NEDD9: variants seen among roughly 807,000 people sequenced by gnomAD.
The protein encoded by NEDD9 is enhancer of filamentation 1.
NEDD9 carries 26 observed loss-of-function variants against 76.6 expected under a neutral mutation model. That is an observed-to-expected ratio of 0.34 (90% CI 0.25 to 0.47). The LOEUF is 0.47. Among genes scored for constraint, NEDD9 ranks in the 20% least tolerant of loss-of-function variants. NEDD9 has a pLI of 1.00. For missense variants in NEDD9, 937 were observed against 1,058.5 expected, an observed-to-expected ratio of 0.89 and a Z score of 1.59; for synonymous variants, 392 against 414.2, an observed-to-expected ratio of 0.95 and a Z score of 0.65.
chr6:11,275,967 T>C (rs1234908312), intron 3 of NEDD9, among the ~76,000 whole-genome samples: 1 of 152,242 alleles, frequency 6.6e-6, no homozygotes, highest in Non-Finnish European at 1.5e-5. Context: ...GGAAGTTAGA[T>C]TCTACTTTAG....
chr6:11,305,238 A>C (rs185136319), intron 3 of NEDD9: 848 of 829,282 alleles, frequency 1.0e-3, no homozygotes, highest in Admixed American at 1.4e-3. Flanking sequence ...GAGTTACTCT[A>C]TGTGCATTTT....
chr6:11,305,132 T>C (rs1160620353), intron 3 of NEDD9: 12 of 1,289,188 alleles, frequency 9.3e-6, no homozygotes, highest in South Asian at 1.2e-5. Context: ...AGAGCTTTTT[T>C]ATTTGTGTGC....
intron 1 of NEDD9, among the ~76,000 whole-genome samples, chr6:11,225,101 C>T (rs1271493402): frequency 6.6e-6 from 1 of 152,096 alleles, no homozygotes; most frequent in South Asian, 2.1e-4. Flanking sequence ...CATCCACCGC[C>T]CCCCTGCCCC....
At chr6:11,334,722 CTGTTTATTTTA>C (rs1324160421) in intron 1 of NEDD9, among the ~76,000 whole-genome samples, 3 of 152,284 alleles carry the variant, frequency 2.0e-5, no homozygotes, top group Non-Finnish European at 2.9e-5. Flanking sequence ...TTACTACTTG[CTGTTTATTTTA>C]TGTTTATTTT....
chr6:11,318,531 C>A (rs901754668), intron 2 of NEDD9, among the ~76,000 whole-genome samples: 1 of 152,060 alleles, frequency 6.6e-6, no homozygotes, highest in African/African-American at 2.4e-5. Context: ...TGCTGTCTTA[C>A]CATTTCGTCT....
upstream of NEDD9, among the ~76,000 whole-genome samples, chr6:11,234,363 G>A (rs962079262): frequency 3.9e-5 from 6 of 152,202 alleles, no homozygotes; most frequent in Non-Finnish European, 8.8e-5. Flanking sequence ...GAGTCTTGCG[G>A]CCTCCAAGAG....
rs1018757483 is a variant in NEDD9, at chr6:11,252,123, C to A, written c.13-38396G>T. ...GAATCAGAGCTTGTGTTAATATCTT[C>A]TAGCTGGGCGCTGTAGTGCTCTCTC... On this transcript the variant is annotated intron_variant, in intron 3 of 3. Transcript: ENST00000397378. This position sits in a 1 kb window ranked among gnomAD's most constrained non-coding sequence, Gnocchi z 4.3. 5.9e-5 allele frequency among the ~76,000 whole-genome samples: 9 copies of A among 152,320 alleles called. No individual in the cohort carries two copies. In the East Asian group the frequency reaches 1.7e-3, roughly 29 times the overall value.
intron 1 of NEDD9, among the ~76,000 whole-genome samples, chr6:11,371,406 A>G (rs867732141): frequency 2.2e-4 from 33 of 152,262 alleles, no homozygotes; most frequent in South Asian, 6.2e-4. Flanking sequence ...ACTGCCCTCA[A>G]ATCTTCCATG....
At chr6:11,233,351 C>T (rs1053081479), upstream of NEDD9, 3 of 519,062 alleles carry the variant, frequency 5.8e-6, no homozygotes, top group Admixed American at 5.8e-5. Context: ...ACCAGGGCCT[C>T]AGAGTTGCGG....
intron 3 of NEDD9, among the ~76,000 whole-genome samples, chr6:11,245,941 T>C (rs1488753135): frequency 1.4e-5 from 2 of 142,880 alleles, no homozygotes; most frequent in Non-Finnish European, 3.2e-5. Flanking sequence ...CCACATGGTT[T>C]AGTTTTTTTT....
rs1416934889 is a variant in NEDD9, at chr6:11,343,099, C to A, written c.-213-8538G>T. ...TGGGAATTTTACAGAAGATAAATTA[C>A]ACCATGGTAACATTGGCTGAAAAAA... On this transcript the variant is annotated intron_variant, in intron 1 of 3. Coordinates refer to the NEDD9 transcript ENST00000397378. Among the ~76,000 whole-genome samples, 2 of 151,396 alleles carry A rather than the reference C, an allele frequency of 1.3e-5. 1 individual carries two copies. Among genetic ancestry groups the A allele is most frequent in the Non-Finnish European group, 2.9e-5 (2 of 67,904 alleles).
intron 3 of NEDD9, among the ~76,000 whole-genome samples, chr6:11,248,273 T>G (rs146784681): frequency 2.0e-5 from 3 of 151,688 alleles, no homozygotes. Context: ...GTAGAAGTCA[T>G]GTGCCAGATA....
chr6:11,304,362 T>G (rs1421570266), intron 3 of NEDD9, among the ~76,000 whole-genome samples: 1 of 152,100 alleles, frequency 6.6e-6, no homozygotes, highest in South Asian at 2.1e-4. Context: ...TTGGTGGGAG[T>G]GTAAACTGGT....
At chr6:11,187,381 C>T (rs1429640565) in intron 6 of NEDD9, among the ~76,000 whole-genome samples, 1 of 152,162 alleles carries the variant, frequency 6.6e-6, no homozygotes, top group East Asian at 1.9e-4. Context: ...TACTCATACC[C>T]AGCTTTTGAA....
rs1055510689 is a variant in NEDD9 at position 11,313,512 on chromosome 6, A to G, written c.-152-7357T>C. 3.1e-5 allele frequency among the ~76,000 whole-genome samples: 4 copies of G among 128,988 alleles called. No individual in the cohort carries two copies. The South Asian group carries it at 9.3e-4, about 30-fold the overall frequency. The allele number at this position is 128,988 out of a possible 152,430, so 84.6% of individuals were successfully genotyped here. On this transcript the variant is annotated intron_variant, in intron 2 of 3. Coordinates refer to the NEDD9 transcript ENST00000397378. The stretch of plus-strand genomic sequence containing the variant: ...GGATGGATGGCAGATGAATGAATAG[A>G]TGGATGGGTGGATGGATAGGTGAAT...
At chr6:11,342,879 G>A (rs1762299927) in intron 1 of NEDD9, among the ~76,000 whole-genome samples, 1 of 152,132 alleles carries the variant, frequency 6.6e-6, no homozygotes, top group South Asian at 2.1e-4. Flanking sequence ...ATGCATAGTT[G>A]CATATTAAAT....
At chr6:11,322,125 A>G (rs1027414876) in intron 2 of NEDD9, among the ~76,000 whole-genome samples, 2 of 152,318 alleles carry the variant, frequency 1.3e-5, no homozygotes, top group Middle Eastern at 3.4e-3. Context: ...GAGCTGAACA[A>G]TAAGAACACG....
At chr6:11,211,852 T>C (rs958231314) in intron 2 of NEDD9, among the ~76,000 whole-genome samples, 2 of 152,174 alleles carry the variant, frequency 1.3e-5, no homozygotes, top group Non-Finnish European at 2.9e-5. Flanking sequence ...CTTTGTTGTT[T>C]AAAGGAATCT....
chr6:11,295,761 C>T (rs1163176652), intron 3 of NEDD9, among the ~76,000 whole-genome samples: 1 of 152,168 alleles, frequency 6.6e-6, no homozygotes, highest in Non-Finnish European at 1.5e-5. Context: ...CCTCTCTTGC[C>T]TTGACAGTTT....
Sources: allele counts gnomAD v4.1 joint callset (sites outside exome capture counted in the v4.1 genomes callset), GRCh38; gene constraint gnomAD v4.1.1; non-coding constraint Gnocchi (gnomAD v3.1); transcripts MANE v1.5; gene names NCBI Gene and HGNC (gene_info 2026-07-23, HGNC 2026-07-21).